Variants in DNAH6 observed in about 807,000 individuals in gnomAD.
DNAH6 encodes the protein axonemal beta dynein heavy chain 6.
Under a neutral mutation model 491.4 loss-of-function variants are expected in DNAH6, and 340 were observed. That is an observed-to-expected ratio of 0.69 (90% CI 0.63 to 0.76). The LOEUF is 0.76. Ranked by LOEUF, DNAH6 falls within the 30% of genes least tolerant of loss-of-function variation. DNAH6 has a pLI of 0.00. For missense variants in DNAH6, 4,443 were observed against 4,972.2 expected, an observed-to-expected ratio of 0.89 and a Z score of 3.20; for synonymous variants, 1,603 against 1,686.1, an observed-to-expected ratio of 0.95 and a Z score of 1.21.
intron 70 of DNAH6, among the ~76,000 whole-genome samples, chr2:84,804,997 G>A (rs1263515201): frequency 6.6e-6 from 1 of 151,188 alleles, no homozygotes. Flanking sequence ...TTTTTTTATA[G>A]GGACAGAGTC....
chr2:84,811,500 T>C (rs1206978518), intron 72 of DNAH6, among the ~76,000 whole-genome samples: 2 of 152,064 alleles, frequency 1.3e-5, no homozygotes, highest in Non-Finnish European at 2.9e-5. Flanking sequence ...GAGACATGTT[T>C]TAAGGAGGTG....
At chr2:84,677,873 C>T (rs1180830534) in intron 41 of DNAH6, among the ~76,000 whole-genome samples, 3 of 152,154 alleles carry the variant, frequency 2.0e-5, no homozygotes, top group Non-Finnish European at 2.9e-5. Context: ...ACAGGAAGTG[C>T]TGGGTGAACG....
intron 21 of DNAH6, 72 bp from the exon 22 acceptor site, chr2:84,611,602 A>C (rs1686341572): frequency 1.5e-6 from 2 of 1,311,198 alleles, no homozygotes; most frequent in African/African-American, 3.0e-5. Context: ...TCCCTGTGTC[A>C]TGATTTTTAC....
chr2:84,648,819 A>C (rs957260432), intron 33 of DNAH6, among the ~76,000 whole-genome samples: 7 of 152,380 alleles, frequency 4.6e-5, no homozygotes, highest in Non-Finnish European at 5.9e-5. Flanking sequence ...AATATAGTTG[A>C]TAAAGCAATG....
the DNAH6 span, among the ~76,000 whole-genome samples, chr2:84,465,148 C>G: frequency 5.3e-5 from 8 of 152,094 alleles, no homozygotes; most frequent in Non-Finnish European, 7.4e-5. Context: ...CCATTCATAA[C>G]GCTTGAGTTT....
chr2:84,669,437 A>G lies in DNAH6; in HGVS notation c.6233A>G (p.Tyr2078Cys), dbSNP rs1401293613. ...MLVPTTDTVRYGYLMEKLLAV... is the reference protein window; with the variant it reads ...MLVPTTDTVRCGYLMEKLLAV... The stretch of plus-strand genomic sequence containing the variant: ...GTCCCCACAACTGACACAGTGCGCT[A>G]TGGGTATCTAATGGAAAAACTACTG... The change falls in exon 38 of 77, where the codon TAT becomes TGT. Residue 2078 changes from tyrosine (Y) to cysteine (C), a missense_variant. Tyr to Cys is a radical substitution (Grantham distance 194). Coordinates refer to ENST00000389394, the MANE Select transcript of DNAH6 (RefSeq NM_001370.2). 19 of 1,551,902 alleles carry G rather than the reference A, an allele frequency of 1.2e-5. No individual in the cohort carries two copies. Among genetic ancestry groups the G allele is most frequent in the Non-Finnish European group, 1.6e-5 (18 of 1,147,030 alleles).
At chr2:84,588,757 T>C in intron 15 of DNAH6, 69 bp from the exon 16 acceptor site, 1 of 1,261,270 alleles carries the variant, frequency 7.9e-7, no homozygotes, top group Admixed American at 3.1e-5. Flanking sequence ...TGTTTATTAA[T>C]TCATTTAATT....
chr2:84,557,919 T>A lies in DNAH6; in HGVS notation c.1787T>A (p.Ile596Asn), dbSNP rs140274144. 1.4e-5 allele frequency: 23 copies of A among 1,607,634 alleles called. No homozygotes were observed. Among genetic ancestry groups the A allele is most frequent in the Non-Finnish European group, 1.9e-5 (22 of 1,175,678 alleles). The change falls in exon 11 of 77, where the codon ATT becomes AAT. Residue 596 changes from isoleucine (I) to asparagine (N), a missense_variant. Ile to Asn is a moderately radical substitution (Grantham distance 149). Around this residue, in one of 3 missense-constraint regions of DNAH6, gnomAD observed 2,977 missense variants for 3,296.6 expected, o/e 0.90. Coordinates refer to ENST00000389394, the MANE Select transcript of DNAH6 (RefSeq NM_001370.2). ...VFEDDKNFHT[I>N]ISQIKETIQA... ...GAGGATGATAAGAATTTTCACACAA[T>A]TATTTCTCAAATAAAGGTATGTTTA... is the stretch of plus-strand genomic sequence containing the variant.
the DNAH6 span, among the ~76,000 whole-genome samples, chr2:84,460,944 AATTCTTAACAGGACCCATTTAGG>A: frequency 1.3e-5 from 2 of 152,158 alleles, no homozygotes; most frequent in Non-Finnish European, 2.9e-5. Flanking sequence ...TTAATGAAGA[AATTCTTAACAGGACCCATTTAGG>A]ATTAAACAAG....
chr2:84,493,788 C>T, the DNAH6 span, among the ~76,000 whole-genome samples: 131 of 152,314 alleles, frequency 8.6e-4, 1 homozygote, highest in East Asian at 1.9e-3. Flanking sequence ...GTAGACACAA[C>T]AGCTTCAGGC....
intron 40 of DNAH6, 144 bp from the exon 41 acceptor site, chr2:84,676,861 G>T: frequency 2.2e-6 from 2 of 903,266 alleles, no homozygotes; most frequent in Non-Finnish European, 3.4e-6. Context: ...GTGATCTCTT[G>T]GAGTGATTGT....
intron 63 of DNAH6, among the ~76,000 whole-genome samples, chr2:84,747,075 G>T (rs751005895): frequency 1.3e-5 from 2 of 152,038 alleles, no homozygotes; most frequent in African/African-American, 4.8e-5. Context: ...ATCACATTTC[G>T]ACATGAGATT....
Position 84,762,894 on chromosome 2 carries a change from A to T in DNAH6, c.10652A>T (p.Asp3551Val). ...PLVFILSTGS[D>V]PMGAFQRFAR... ...GTATTCATCCTAAGCACAGGCTCAG[A>T]TCCCATGGGTGCATTTCAGAGGTTT... The change falls in exon 64 of 77, where the codon GAT becomes GTT. Residue 3551 changes from aspartate (D) to valine (V), a missense_variant. Physicochemically the swap from Asp to Val is radical, Grantham distance 152. This residue lies in a region of DNAH6 where 1,463 missense variants were observed against 1,656.6 expected (regional missense o/e 0.88). Coordinates refer to ENST00000389394, the MANE Select transcript of DNAH6 (RefSeq NM_001370.2). 1 of 1,551,658 alleles carries T rather than the reference A, an allele frequency of 6.4e-7. No individual in the cohort carries two copies.
At chr2:84,671,531 T>G (rs2104671286) in intron 39 of DNAH6, among the ~76,000 whole-genome samples, 1 of 152,318 alleles carries the variant, frequency 6.6e-6, no homozygotes, top group South Asian at 2.1e-4. Flanking sequence ...CACTGCCTTC[T>G]GTCTCTGTCC....
intron 16 of DNAH6, among the ~76,000 whole-genome samples, chr2:84,590,107 GA>G (rs1217991798): frequency 6.6e-6 from 1 of 152,134 alleles, no homozygotes; most frequent in Non-Finnish European, 1.5e-5. Context: ...AGATTTGTGT[GA>G]GTTCAAAGTT....
intron 34 of DNAH6, 123 bp from the exon 35 acceptor site, chr2:84,654,537 T>C (rs563546477): frequency 8.0e-7 from 1 of 1,257,050 alleles, no homozygotes; most frequent in South Asian, 1.6e-5. Context: ...CTCTTCCACA[T>C]GAAGCCCTTC....
chr2:84,709,670 G>T, intron 55 of DNAH6, 124 bp downstream of exon 55: 1 of 1,072,424 alleles, frequency 9.3e-7, no homozygotes. Flanking sequence ...TGGAGATTTA[G>T]ACCTAGAAGA....
chr2:84,503,726 C>T, the DNAH6 span, among the ~76,000 whole-genome samples: 1 of 151,152 alleles, frequency 6.6e-6, no homozygotes. Flanking sequence ...TCATGCCACT[C>T]TCTCCTGGCC....
intron 54 of DNAH6, 84 bp downstream of exon 54, chr2:84,707,800 G>A: frequency 9.7e-7 from 1 of 1,026,288 alleles, no homozygotes; most frequent in Non-Finnish European, 1.4e-6. Context: ...GAGTTCAGAT[G>A]GAGGCTCTCC....
Sources: allele counts gnomAD v4.1 joint callset (sites outside exome capture counted in the v4.1 genomes callset), GRCh38; gene constraint gnomAD v4.1.1; regional missense constraint gnomAD v4.1.1; transcripts MANE v1.5; gene names NCBI Gene and HGNC (gene_info 2026-07-23, HGNC 2026-07-21).